Variants in NR6A1 observed in about 807,000 individuals in gnomAD.
NR6A1 encodes the protein retinoic acid receptor-related testis-associated receptor.
NR6A1 carries 7 observed loss-of-function variants against 59.1 expected under a neutral mutation model. The observed-to-expected ratio is 0.12, with a 90% confidence interval of 0.07 to 0.22. The LOEUF is 0.22. Among genes scored for constraint, NR6A1 ranks in the 10% least tolerant of loss-of-function variants. The pLI is 1.00. For synonymous variants in NR6A1, 243 were observed against 236.1 expected, an observed-to-expected ratio of 1.03 and a Z score of -0.27; for missense variants, 468 against 611.6, an observed-to-expected ratio of 0.77 and a Z score of 2.48.
In NR6A1 at chr9:124,537,148, A is replaced by G. The variant is rs141143151; in HGVS notation, c.824+944T>C. On this transcript the variant is annotated intron_variant, in intron 6 of 9. Coordinates refer to ENST00000487099, the MANE Select transcript of NR6A1 (RefSeq NM_033334.4). The stretch of plus-strand genomic sequence containing the variant: ...GAGTGCAGTGGCGCAATCTCGGCTC[A>G]CCGCAACCTCAGCTCGCTGCAACCT... Among the ~76,000 whole-genome samples the G allele has an allele frequency of 8.5e-3, 1,261 of 148,066 alleles. 17 individuals are homozygous for G. The highest frequency in any genetic ancestry group is 0.03 in the African/African-American group (1,204 of 39,896).
chr9:124,588,875 G>A (rs536836006), intron 2 of NR6A1, among the ~76,000 whole-genome samples: 5 of 147,500 alleles, frequency 3.4e-5, no homozygotes, highest in African/African-American at 1.0e-4. Context: ...AGCCGAGATC[G>A]TGCCACTGCA....
chr9:124,641,216 G>A (rs1056197762), intron 2 of NR6A1, among the ~76,000 whole-genome samples: 2 of 151,996 alleles, frequency 1.3e-5, no homozygotes, highest in African/African-American at 2.4e-5. Flanking sequence ...AAAATTAGCT[G>A]AGCATGGTGG....
intron 2 of NR6A1, among the ~76,000 whole-genome samples, chr9:124,572,097 A>G (rs1302038871): frequency 2.0e-5 from 3 of 152,202 alleles, no homozygotes; most frequent in Non-Finnish European, 4.4e-5. Flanking sequence ...AGCAGTCAAC[A>G]GTATGGAGAA....
chr9:124,612,797 C>CT (rs1554733281), intron 2 of NR6A1, among the ~76,000 whole-genome samples: 1 of 140,214 alleles, frequency 7.1e-6, no homozygotes, highest in Non-Finnish European at 1.6e-5. Flanking sequence ...TCTTTCTTTT[C>CT]TTTCTTTCTT....
rs559227860 is a variant in NR6A1 at position 124,530,934 on chromosome 9, T to C, written c.1080-4034A>G. ...ATCTTTGTAGCCTTTAATTTTCACC[T>C]CTCAACCTCATGCTCCTCATCTCTA... On this transcript the variant is annotated intron_variant, in intron 7 of 9. Coordinates refer to ENST00000487099, the MANE Select transcript of NR6A1 (RefSeq NM_033334.4). Among the ~76,000 whole-genome samples the C allele has an allele frequency of 3.6e-4, 55 of 152,312 alleles. 1 individual carries two copies. The South Asian group carries it at 6.8e-3, about 19-fold the overall frequency.
chr9:124,557,650 G>C (rs1344732025), intron 2 of NR6A1, among the ~76,000 whole-genome samples: 1 of 152,044 alleles, frequency 6.6e-6, no homozygotes, highest in African/African-American at 2.4e-5. Flanking sequence ...AATTAAAACA[G>C]GTAAGGCCAA....
At chr9:124,648,638 TAAA>T (rs1837005514) in intron 2 of NR6A1, among the ~76,000 whole-genome samples, 1 of 151,650 alleles carries the variant, frequency 6.6e-6, no homozygotes, top group Non-Finnish European at 1.5e-5. Flanking sequence ...AGCCAAACTG[TAAA>T]AGAAGAAGTC....
At chr9:124,694,635 C>A (rs1044818217) in intron 2 of NR6A1, among the ~76,000 whole-genome samples, 1 of 152,080 alleles carries the variant, frequency 6.6e-6, no homozygotes, top group Non-Finnish European at 1.5e-5. Flanking sequence ...TGAGATAAGC[C>A]ACTAAATCCC....
intron 2 of NR6A1, among the ~76,000 whole-genome samples, chr9:124,611,172 C>T (rs1417220566): frequency 6.8e-6 from 1 of 147,362 alleles, no homozygotes; most frequent in East Asian, 2.0e-4. Context: ...ACTTCCCTTA[C>T]CAAAAAAAAA....
intron 1 of NR6A1, among the ~76,000 whole-genome samples, chr9:124,766,363 A>G (rs1840932644): frequency 6.6e-6 from 1 of 152,248 alleles, no homozygotes; most frequent in Admixed American, 6.5e-5. Flanking sequence ...AAAGTATTAC[A>G]AAGAGTTGGG....
intron 2 of NR6A1, among the ~76,000 whole-genome samples, chr9:124,677,432 A>G (rs1227676691): frequency 6.6e-6 from 1 of 151,656 alleles, no homozygotes. Flanking sequence ...TAATTTTTGT[A>G]TTTTTTTGTA....
intron 3 of NR6A1, among the ~76,000 whole-genome samples, chr9:124,546,782 C>A (rs1488573247): frequency 6.6e-6 from 1 of 152,202 alleles, no homozygotes; most frequent in Non-Finnish European, 1.5e-5. Context: ...CTGTTAAAAA[C>A]AAAAACTTGG....
In NR6A1 at chr9:124,518,755, G is replaced by C. The variant is rs1307411512; in HGVS notation, c.*3950C>G. 3.3e-5 allele frequency: 5 copies of C among 150,030 alleles called. No homozygotes were observed. The highest frequency in any genetic ancestry group is 1.2e-4 in the African/African-American group (5 of 40,752). 9.3% of individuals were successfully genotyped at this position (150,030 alleles called of 1,614,324 possible). ...TTTTGTTAAATTTTGTTTGTTTTTT[G>C]GGTTTTTTTTTTTTTTACTTTAAAA... On this transcript the variant is annotated 3_prime_UTR_variant, in exon 10 of 10. Transcript: ENST00000487099.
intron 2 of NR6A1, among the ~76,000 whole-genome samples, chr9:124,601,800 A>T (rs1292012461): frequency 6.6e-6 from 1 of 150,392 alleles, no homozygotes; most frequent in Non-Finnish European, 1.5e-5. Context: ...CGTCTCTATA[A>T]AAAAAAAATT....
intron 7 of NR6A1, among the ~76,000 whole-genome samples, chr9:124,529,972 C>T (rs534020632): frequency 2.6e-4 from 39 of 152,304 alleles, no homozygotes; most frequent in Non-Finnish European, 5.0e-4. Context: ...GCAGTGTCAG[C>T]ATCTGTCTGG....
intron 1 of NR6A1, among the ~76,000 whole-genome samples, chr9:124,759,062 C>A (rs185458373): frequency 6.6e-6 from 1 of 152,306 alleles, no homozygotes; most frequent in Admixed American, 6.5e-5. Context: ...GGGCTCCTCT[C>A]TAAAGTCTTT....
intron 2 of NR6A1, among the ~76,000 whole-genome samples, chr9:124,583,485 C>T (rs1050745339): frequency 9.9e-5 from 15 of 152,186 alleles, no homozygotes; most frequent in Non-Finnish European, 1.3e-4. Context: ...TGTGCTTGTG[C>T]TCCTTTCTAG....
intron 2 of NR6A1, among the ~76,000 whole-genome samples, chr9:124,608,631 T>A (rs1835643781): frequency 6.6e-6 from 1 of 152,218 alleles, no homozygotes; most frequent in Non-Finnish European, 1.5e-5. Flanking sequence ...TATAACAGAA[T>A]CATTTATATT....
chr9:124,761,110 A>G (rs1026447654), intron 1 of NR6A1, among the ~76,000 whole-genome samples: 24 of 152,260 alleles, frequency 1.6e-4, no homozygotes, highest in African/African-American at 4.8e-4. Flanking sequence ...AGGTTTCGTA[A>G]TTAAAGCAAT....
Sources: gnomAD v4.1 joint callset for allele counts (sites outside exome capture counted in the v4.1 genomes callset) on GRCh38, gnomAD v4.1.1 for gene constraint, MANE v1.5 for transcripts, NCBI Gene and HGNC (gene_info 2026-07-23, HGNC 2026-07-21) for gene names.